Variants in FSHR observed in about 807,000 individuals in gnomAD.
The protein encoded by FSHR is follicle stimulating hormone receptor, also known as follicle-stimulating hormone receptor.
FSHR carries 46 observed loss-of-function variants against 52.1 expected under a neutral mutation model. The observed-to-expected ratio is 0.88, with a 90% CI of 0.70 to 1.13. The LOEUF (loss-of-function observed/expected upper bound fraction) is 1.13. Ranked by LOEUF, FSHR falls within the 50% of genes most tolerant of loss-of-function variation. The pLI, the probability that FSHR is intolerant of heterozygous loss-of-function variation, is 0.00. For synonymous variants in FSHR, 399 were observed against 309.6 expected, an observed-to-expected ratio of 1.29 and a Z score of -3.03; for missense variants, 964 against 834.6, an observed-to-expected ratio of 1.16 and a Z score of -1.91.
At chr2:49,083,703 T>C (rs934026098) in intron 1 of FSHR, among the ~76,000 whole-genome samples, 1 of 149,880 alleles carries the variant, frequency 6.7e-6, no homozygotes, top group Non-Finnish European at 1.5e-5. Flanking sequence ...TCCTAGTCTC[T>C]GATAAAACAG....
intron 1 of FSHR, among the ~76,000 whole-genome samples, chr2:49,120,792 C>T (rs1476015211): frequency 1.3e-5 from 2 of 152,240 alleles, no homozygotes; most frequent in Non-Finnish European, 2.9e-5. Context: ...GAGCTTACCA[C>T]ATTTGCTGAC....
chr2:49,053,709 C>T (rs1668953469), intron 2 of FSHR, among the ~76,000 whole-genome samples: 1 of 152,100 alleles, frequency 6.6e-6, no homozygotes, highest in African/African-American at 2.4e-5. Flanking sequence ...AAAAAACAGT[C>T]CTTTCCCTGT....
chr2:49,033,787 G>A (rs1475261996), intron 2 of FSHR, among the ~76,000 whole-genome samples: 1 of 152,002 alleles, frequency 6.6e-6, no homozygotes, highest in Non-Finnish European at 1.5e-5. Flanking sequence ...TGGAGGGGAG[G>A]GGATTACATT....
chr2:49,004,596 C>T (rs1311344446), intron 4 of FSHR, among the ~76,000 whole-genome samples: 1 of 152,104 alleles, frequency 6.6e-6, no homozygotes, highest in Admixed American at 6.5e-5. Context: ...CTATTTTCCT[C>T]ATTTGACTAG....
At chr2:49,075,179 G>A (rs11125209) in intron 1 of FSHR, among the ~76,000 whole-genome samples, 29,615 of 151,932 alleles carry the variant, frequency 0.19, 3,087 homozygotes, top group East Asian at 0.29. Flanking sequence ...TCATAAAGAA[G>A]GATATTGACG....
At chr2:49,108,054 A>T (rs1211156540) in intron 1 of FSHR, among the ~76,000 whole-genome samples, 2 of 152,096 alleles carry the variant, frequency 1.3e-5, no homozygotes, top group East Asian at 3.9e-4. Context: ...GGTTCAGTAG[A>T]TTGCCTTCTC....
intron 1 of FSHR, among the ~76,000 whole-genome samples, chr2:49,099,201 T>C (rs1020540978): frequency 1.3e-5 from 2 of 151,984 alleles, no homozygotes; most frequent in South Asian, 2.1e-4. Flanking sequence ...AATTCCCACA[T>C]GTTGTGGGAG....
At chr2:49,085,437 C>T (rs960533145) in intron 1 of FSHR, among the ~76,000 whole-genome samples, 6 of 149,654 alleles carry the variant, frequency 4.0e-5, no homozygotes, top group Non-Finnish European at 6.0e-5. Flanking sequence ...ACTGGCACAA[C>T]GAAGGGATGC....
intron 1 of FSHR, among the ~76,000 whole-genome samples, chr2:49,102,845 C>CCACCTA (rs201515558): frequency 1.8e-4 from 19 of 104,828 alleles, no homozygotes; most frequent in African/African-American, 7.7e-4. Flanking sequence ...AGGATTTCTG[C>CCACCTA]CACGGTTTGT....
At chr2:49,144,574 T>C (rs1386143815) in intron 1 of FSHR, among the ~76,000 whole-genome samples, 4 of 152,194 alleles carry the variant, frequency 2.6e-5, no homozygotes, top group African/African-American at 7.2e-5. Flanking sequence ...TTTTATTTCA[T>C]TGCTTTTCCA....
chr2:48,973,335 T>A (rs570791334), intron 8 of FSHR, among the ~76,000 whole-genome samples: 16 of 152,128 alleles, frequency 1.1e-4, no homozygotes, highest in Admixed American at 9.8e-4. Flanking sequence ...GTGAGGCACA[T>A]AAGTGATGGG....
intron 8 of FSHR, among the ~76,000 whole-genome samples, chr2:48,977,249 A>G (rs1195786799): frequency 6.6e-6 from 1 of 152,186 alleles, no homozygotes; most frequent in Non-Finnish European, 1.5e-5. Flanking sequence ...AGGGTTATTT[A>G]GAATAGTTAT....
At chr2:49,062,103 A>G (rs1422613105) in intron 2 of FSHR, among the ~76,000 whole-genome samples, 5 of 152,002 alleles carry the variant, frequency 3.3e-5, no homozygotes, top group African/African-American at 1.2e-4. Context: ...ACAGCTGCAG[A>G]ATATACATCT....
At chr2:48,977,269 T>A (rs539256054) in intron 8 of FSHR, among the ~76,000 whole-genome samples, 1 of 152,222 alleles carries the variant, frequency 6.6e-6, no homozygotes, top group East Asian at 1.9e-4. Context: ...TTCTGGGCAA[T>A]CATACTTGGA....
At chr2:49,011,422 A>G (rs930428987) in intron 4 of FSHR, among the ~76,000 whole-genome samples, 14 of 151,970 alleles carry the variant, frequency 9.2e-5, no homozygotes, top group African/African-American at 1.7e-4. Flanking sequence ...GTTCTTTTAC[A>G]TTTGTTGAGG....
At chr2:49,102,061 A>G (rs1453864258) in intron 1 of FSHR, among the ~76,000 whole-genome samples, 1 of 152,164 alleles carries the variant, frequency 6.6e-6, no homozygotes, top group African/African-American at 2.4e-5. Flanking sequence ...GAGGGGACAG[A>G]TATTCAAAAT....
intron 4 of FSHR, among the ~76,000 whole-genome samples, chr2:49,008,754 G>C (rs556145226): frequency 4.2e-5 from 6 of 144,228 alleles, no homozygotes; most frequent in Non-Finnish European, 7.6e-5. Flanking sequence ...TTGTGGTTTT[G>C]ATTTGCATTT....
intron 1 of FSHR, among the ~76,000 whole-genome samples, chr2:49,078,338 G>C (rs1670031064): frequency 6.6e-6 from 1 of 152,124 alleles, no homozygotes; most frequent in Admixed American, 6.5e-5. Context: ...GCACGGGAAA[G>C]ACCTGCCCTC....
intron 1 of FSHR, among the ~76,000 whole-genome samples, chr2:49,110,526 G>GTT (rs1484947706): frequency 6.6e-6 from 1 of 152,168 alleles, no homozygotes; most frequent in Non-Finnish European, 1.5e-5. Context: ...AAGGGATGGA[G>GTT]TTTCAACATC....
Sources: allele counts gnomAD v4.1 joint callset (sites outside exome capture counted in the v4.1 genomes callset), GRCh38; gene constraint gnomAD v4.1.1; transcripts MANE v1.5; gene names NCBI Gene and HGNC (gene_info 2026-07-23, HGNC 2026-07-21).